LRRIQ1: variants seen among roughly 807,000 people sequenced by gnomAD.
The protein encoded by LRRIQ1 is leucine-rich repeat- and IQ domain-containing protein 1.
Under a neutral mutation model 211.9 loss-of-function variants are expected in LRRIQ1, and 210 were observed. That is an observed-to-expected ratio of 0.99 (90% CI 0.89 to 1.11). The LOEUF (loss-of-function observed/expected upper bound fraction) is 1.11. Among genes scored for constraint, LRRIQ1 ranks in the 50% most tolerant of loss-of-function variants. The pLI is 0.00. For missense variants in LRRIQ1, 2,136 were observed against 1,939.5 expected (o/e 1.10, Z -1.90); for synonymous variants, 699 against 650.1 (o/e 1.08, Z -1.14).
chr12:85,130,817 G>C (rs1342614762), intron 18 of LRRIQ1, among the ~76,000 whole-genome samples: 2 of 152,114 alleles, frequency 1.3e-5, no homozygotes, highest in African/African-American at 4.8e-5. Flanking sequence ...ACTGCTCTCT[G>C]TTCACCAAAA....
chr12:85,187,316 G>T (rs1457300473), intron 24 of LRRIQ1, among the ~76,000 whole-genome samples: 1 of 152,078 alleles, frequency 6.6e-6, no homozygotes, highest in African/African-American at 2.4e-5. Flanking sequence ...ACATGGTTTG[G>T]TTATTTTAAG....
intron 3 of LRRIQ1, among the ~76,000 whole-genome samples, chr12:85,041,211 G>A (rs1442873572): frequency 6.6e-6 from 1 of 151,706 alleles, no homozygotes; most frequent in Non-Finnish European, 1.5e-5. Flanking sequence ...TGGCATTTAT[G>A]TATTAGTATA....
chr12:85,112,680 A>G (rs1565841449), intron 15 of LRRIQ1, among the ~76,000 whole-genome samples: 1 of 151,986 alleles, frequency 6.6e-6, no homozygotes, highest in East Asian at 1.9e-4. Flanking sequence ...GCCTCAAGGC[A>G]TGGGTTATTT....
chr12:85,081,988 G>A (rs973693185), intron 11 of LRRIQ1, among the ~76,000 whole-genome samples: 2 of 151,904 alleles, frequency 1.3e-5, no homozygotes, highest in Non-Finnish European at 2.9e-5. Context: ...GTCCCAAAGT[G>A]CTCAGATTAC....
chr12:85,250,954 A>T (rs1245180773), intron 1 of LRRIQ1, among the ~76,000 whole-genome samples: 5 of 112,442 alleles, frequency 4.4e-5, no homozygotes, highest in African/African-American at 1.4e-4. Flanking sequence ...TATTTTATAT[A>T]TTATATATTA....
intron 24 of LRRIQ1, among the ~76,000 whole-genome samples, chr12:85,185,132 A>T (rs1892165646): frequency 6.6e-6 from 1 of 151,956 alleles, no homozygotes; most frequent in African/African-American, 2.4e-5. Context: ...TTAGAATGTG[A>T]TATGCCATAT....
chr12:85,079,225 T>C (rs1884005118), intron 11 of LRRIQ1, among the ~76,000 whole-genome samples: 1 of 151,350 alleles, frequency 6.6e-6, no homozygotes, highest in Admixed American at 6.6e-5. Context: ...AGTTTAGTGT[T>C]CACATGATGT....
intron 24 of LRRIQ1, among the ~76,000 whole-genome samples, chr12:85,180,765 T>A (rs1045849721): frequency 1.3e-5 from 2 of 151,926 alleles, no homozygotes; most frequent in African/African-American, 4.8e-5. Flanking sequence ...TCAGGAACAG[T>A]AGCCATTTGC....
chr12:85,073,412 A>G (rs1883305703), intron 11 of LRRIQ1, among the ~76,000 whole-genome samples: 1 of 152,052 alleles, frequency 6.6e-6, no homozygotes, highest in African/African-American at 2.4e-5. Context: ...TTTTAGTTTA[A>G]AATAATTTTG....
intron 1 of LRRIQ1, among the ~76,000 whole-genome samples, chr12:85,261,883 C>T (rs1475730028): frequency 6.6e-6 from 1 of 151,960 alleles, no homozygotes. Context: ...CTCCGCCTCC[C>T]AGGTTCAAGC....
chr12:85,216,846 T>C (rs1272377770), intron 24 of LRRIQ1, among the ~76,000 whole-genome samples: 1 of 151,862 alleles, frequency 6.6e-6, no homozygotes, highest in Non-Finnish European at 1.5e-5. Flanking sequence ...TAAAAGTCAG[T>C]CTTTCTAAAA....
In LRRIQ1 at chr12:85,056,594, G is replaced by T; in HGVS notation, c.1801G>T (p.Asp601Tyr). The change falls in exon 8 of 27, where the codon GAT (aspartate) becomes TAT (tyrosine). Residue 601 changes from aspartate to tyrosine, a missense_variant. Transcript: ENST00000393217. ...IQEQNGLLYK[D>Y]KDTLVISVKQ... is the part of the protein sequence containing the mutation. ...AGAACAGAATGGATTATTATATAAA[G>T]ATAAGGATACTTTAGTTATTTCAGT... The T allele has an allele frequency of 6.3e-7, 1 of 1,595,728 alleles. No homozygotes were observed. The highest frequency in any genetic ancestry group is 1.1e-5 in the South Asian group (1 of 87,338).
intron 24 of LRRIQ1, among the ~76,000 whole-genome samples, chr12:85,221,753 T>C (rs945485465): frequency 4.6e-5 from 7 of 152,152 alleles, no homozygotes; most frequent in African/African-American, 1.7e-4. Flanking sequence ...CTAACAGAAG[T>C]GTCTGAAGAT....
At chr12:85,194,694 G>T (rs1280217733) in intron 24 of LRRIQ1, among the ~76,000 whole-genome samples, 1 of 152,002 alleles carries the variant, frequency 6.6e-6, no homozygotes, top group Admixed American at 6.6e-5. Flanking sequence ...GAAATTTATA[G>T]CACTAAGTGC....
At chr12:85,201,428 G>C (rs939860913) in intron 24 of LRRIQ1, among the ~76,000 whole-genome samples, 1 of 151,748 alleles carries the variant, frequency 6.6e-6, no homozygotes, top group Admixed American at 6.6e-5. Context: ...CCTGGGCTTT[G>C]TTTGATTGGC....
chr12:85,189,004 G>GT (rs953815298), intron 24 of LRRIQ1, among the ~76,000 whole-genome samples: 1 of 152,068 alleles, frequency 6.6e-6, no homozygotes, highest in African/African-American at 2.4e-5. Flanking sequence ...GACGCCTTTG[G>GT]TAATAGAGAC....
chr12:85,189,134 G>T (rs1892370996), intron 24 of LRRIQ1, among the ~76,000 whole-genome samples: 1 of 152,074 alleles, frequency 6.6e-6, no homozygotes, highest in African/African-American at 2.4e-5. Flanking sequence ...ATTCAAAGAT[G>T]CAACTCCACC....
chr12:85,095,948 T>C lies in LRRIQ1; in HGVS notation c.2888-2407T>C, dbSNP rs1199722556. 2.0e-5 allele frequency among the ~76,000 whole-genome samples: 3 copies of C among 152,234 alleles called. No homozygotes were observed. The South Asian group carries it at 6.2e-4, about 32-fold the overall frequency. ...TCTTGTTTGTGTGAATAGATGTGAA[T>C]AGAATTATTTATACTACTCTCTGAG... On this transcript the variant is annotated intron_variant, in intron 11 of 26. Coordinates refer to ENST00000393217, the MANE Select transcript of LRRIQ1 (RefSeq NM_001079910.2).
At chr12:85,073,923 A>T (rs2136115501) in intron 11 of LRRIQ1, among the ~76,000 whole-genome samples, 1 of 152,142 alleles carries the variant, frequency 6.6e-6, no homozygotes, top group South Asian at 2.1e-4. Context: ...ACAAAGATAG[A>T]TTTGTGTTTG....
Sources: gnomAD v4.1 joint callset for allele counts (sites outside exome capture counted in the v4.1 genomes callset) on GRCh38, gnomAD v4.1.1 for gene constraint, MANE v1.5 for transcripts, NCBI Gene and HGNC (gene_info 2026-07-23, HGNC 2026-07-21) for gene names.